The following TMEM230 variants were observed in gnomAD, a reference collection of about 807,000 sequenced individuals.
The protein encoded by TMEM230 is UPF0414 transmembrane protein C20orf30.
In TMEM230, 10 loss-of-function variants were observed where a neutral mutation model predicts 15.8. The observed-to-expected ratio is 0.63, with a 90% confidence interval of 0.39 to 1.07. TMEM230 has a LOEUF of 1.07. TMEM230 is among the 50% of genes least tolerant of loss of function. The probability of loss-of-function intolerance (pLI) is 0.01; values close to 1 mark genes in which losing one functional copy is unlikely to be tolerated. For missense variants in TMEM230, 165 were observed against 193.3 expected (o/e 0.85, Z 0.87); for synonymous variants, 67 against 76.9 (o/e 0.87, Z 0.68).
chr20:5,097,182 A>C (rs966336142), downstream of TMEM230, among the ~76,000 whole-genome samples: 3 of 152,224 alleles, frequency 2.0e-5, no homozygotes, highest in Admixed American at 2.0e-4. Flanking sequence ...GCTAGTTTGC[A>C]ACCTGTGCTC....
downstream of TMEM230, among the ~76,000 whole-genome samples, chr20:5,098,812 G>A (rs1284470854): frequency 3.3e-5 from 5 of 152,072 alleles, no homozygotes; most frequent in East Asian, 5.8e-4. Flanking sequence ...TTGGGGGGGG[G>A]AAATTATAGA....
chr20:5,100,977 C>G (rs758326182), intron 4 of TMEM230, 46 bp from the exon 4 acceptor site: 2 of 1,605,840 alleles, frequency 1.2e-6, no homozygotes, highest in South Asian at 2.2e-5. Context: ...AAGAGTTACA[C>G]ATTTTAAAAT....
At chr20:5,062,881 T>G in the TMEM230 span, among the ~76,000 whole-genome samples, 1 of 152,184 alleles carries the variant, frequency 6.6e-6, no homozygotes, top group African/African-American at 2.4e-5. Context: ...GGCTTGGGGC[T>G]TTGGTTTATA....
At chr20:5,098,856 G>C (rs1488597959), downstream of TMEM230, among the ~76,000 whole-genome samples, 7 of 152,072 alleles carry the variant, frequency 4.6e-5, no homozygotes, top group Admixed American at 4.6e-4. Context: ...TTAAAAACCA[G>C]ATATATATTT....
At chr20:5,069,362 C>T in intron 3 of TMEM230, 2 of 1,521,804 alleles carry the variant, frequency 1.3e-6, no homozygotes, top group Non-Finnish European at 1.8e-6. Context: ...GAGAAAGAAA[C>T]ACCCCTTCTC....
intron 3 of TMEM230, among the ~76,000 whole-genome samples, chr20:5,080,561 G>A (rs2089149513): frequency 1.3e-5 from 2 of 151,932 alleles, no homozygotes; most frequent in South Asian, 2.1e-4. Flanking sequence ...AGTTTCTAAA[G>A]TCTTTCTGTC....
chr20:5,071,817 T>C (rs967298267), intron 3 of TMEM230, among the ~76,000 whole-genome samples: 2 of 152,008 alleles, frequency 1.3e-5, no homozygotes, highest in African/African-American at 4.8e-5. Flanking sequence ...CTCAGCTCAC[T>C]GCAACTTCTG....
At chr20:5,109,229 C>T (rs58379860) in intron 3 of TMEM230, 103 bp downstream of exon 2, 3 of 861,916 alleles carry the variant, frequency 3.5e-6, no homozygotes, top group Non-Finnish European at 1.8e-6. Context: ...GTTGCTCCTT[C>T]TAATCCCCAA....
intron 3 of TMEM230, among the ~76,000 whole-genome samples, chr20:5,086,094 G>A (rs1260057386): frequency 1.3e-5 from 2 of 152,058 alleles, no homozygotes; most frequent in African/African-American, 4.8e-5. Context: ...AGTTCACAAT[G>A]AAAAGGGTTT....
downstream of TMEM230, among the ~76,000 whole-genome samples, chr20:5,095,645 G>A (rs375689571): frequency 8.5e-5 from 13 of 152,192 alleles, no homozygotes; most frequent in African/African-American, 3.1e-4. Context: ...GTCTCAAGGT[G>A]AGGAGATGGA....
At chr20:5,084,372 C>T (rs553369059) in intron 3 of TMEM230, among the ~76,000 whole-genome samples, 10 of 150,936 alleles carry the variant, frequency 6.6e-5, no homozygotes, top group South Asian at 6.3e-4. Flanking sequence ...TACAGGCGTA[C>T]GCCACCACGC....
downstream of TMEM230, among the ~76,000 whole-genome samples, chr20:5,096,446 A>C (rs570075639): frequency 1.3e-5 from 2 of 152,220 alleles, no homozygotes; most frequent in African/African-American, 4.8e-5. Flanking sequence ...CTAGGAGAGA[A>C]GCCTCAGGAT....
chr20:5,106,161 C>T, intron 4 of TMEM230, 27 bp downstream of exon 3: 1 of 1,587,480 alleles, frequency 6.3e-7, no homozygotes, highest in South Asian at 1.1e-5. Context: ...AATCTCACAA[C>T]TTATTCCCAC....
At chr20:5,104,078 A>G (rs2089978269) in intron 4 of TMEM230, among the ~76,000 whole-genome samples, 1 of 152,236 alleles carries the variant, frequency 6.6e-6, no homozygotes, top group Non-Finnish European at 1.5e-5. Flanking sequence ...CTGTAGGAAA[A>G]AAAATCTAAT....
downstream of TMEM230, among the ~76,000 whole-genome samples, chr20:5,064,615 C>T (rs1187922259): frequency 3.3e-5 from 5 of 152,038 alleles, no homozygotes; most frequent in Non-Finnish European, 7.4e-5. Flanking sequence ...ATTAAATTTT[C>T]TACCTAGGAG....
chr20:5,070,854 C>A (rs1407490129), intron 3 of TMEM230, among the ~76,000 whole-genome samples: 1 of 152,154 alleles, frequency 6.6e-6, no homozygotes, highest in East Asian at 1.9e-4. Context: ...ATAGCCTTGA[C>A]CTGTTGCACT....
chr20:5,081,497 C>A (rs768854560), intron 3 of TMEM230, among the ~76,000 whole-genome samples: 1 of 152,164 alleles, frequency 6.6e-6, no homozygotes, highest in African/African-American at 2.4e-5. Flanking sequence ...CCAGAAGGAG[C>A]CCAAAGGTAG....
At chr20:5,063,795 C>G (rs1194730140), downstream of TMEM230, among the ~76,000 whole-genome samples, 1 of 125,166 alleles carries the variant, frequency 8.0e-6, no homozygotes, top group Non-Finnish European at 1.6e-5. Flanking sequence ...AAAAAATTAT[C>G]CCAAAATTTG....
intron 3 of TMEM230, among the ~76,000 whole-genome samples, chr20:5,086,254 T>C (rs2089333940): frequency 7.1e-6 from 1 of 141,436 alleles, no homozygotes; most frequent in Non-Finnish European, 1.5e-5. Flanking sequence ...AAAAAAAGTA[T>C]TGGCCAGCCA....
Sources: gnomAD v4.1 joint callset for allele counts (sites outside exome capture counted in the v4.1 genomes callset) on GRCh38, gnomAD v4.1.1 for gene constraint, MANE v1.5 for transcripts, NCBI Gene and HGNC (gene_info 2026-07-23, HGNC 2026-07-21) for gene names.